Variants in ARID5A observed in about 807,000 individuals in gnomAD.
ARID5A encodes AT-rich interaction domain 5A, also known as AT-rich interactive domain-containing protein 5A.
In ARID5A, 14 loss-of-function variants were observed where a neutral mutation model predicts 30.5. The ratio of observed to expected loss-of-function variants is 0.46; its 90% CI spans 0.30 to 0.72. The LOEUF (loss-of-function observed/expected upper bound fraction) is 0.72, where lower values mean the gene tolerates loss of function less well. Ranked by LOEUF, ARID5A falls within the 30% of genes least tolerant of loss-of-function variation. ARID5A has a pLI of 0.07. For missense variants in ARID5A, 669 were observed against 786.2 expected, an observed-to-expected ratio of 0.85 and a Z score of 1.78; for synonymous variants, 338 against 340.4, an observed-to-expected ratio of 0.99 and a Z score of 0.08.
In ARID5A at chr2:96,550,851, G is replaced by C. The variant is rs1041069339; in HGVS notation, c.570+118G>C. On this transcript the variant is annotated intron_variant, in intron 6 of 6. Coordinates refer to ENST00000357485, the MANE Select transcript of ARID5A (RefSeq NM_212481.3). This position sits in a 1 kb window ranked among gnomAD's most constrained non-coding sequence, Gnocchi z 6.6. ...AATACACAGAACCTGCACCCAGGGC[G>C]GGACTTGCAAGGTTCCAGGTTCTCC... 6.3e-5 allele frequency: 88 copies of C among 1,397,046 alleles called. No homozygotes were observed. Among genetic ancestry groups the C allele is most frequent in the Non-Finnish European group, 8.1e-5 (86 of 1,056,126 alleles). 86.5% of individuals were successfully genotyped at this position (1,397,046 alleles called of 1,614,324 possible).
At position 96,549,915 on chromosome 2, in the gene ARID5A, C is replaced by G; in HGVS notation, c.312+110C>G. 2 of 1,533,742 alleles carry G rather than the reference C, an allele frequency of 1.3e-6. No homozygotes were observed. The highest frequency in any genetic ancestry group is 1.8e-6 in the Non-Finnish European group (2 of 1,138,256). ...AGAGCCAGGATCCCCAGTCCTACCC[C>G]TGCGTCCCTGCCTCCCTGCCTTCCC... On this transcript the variant is annotated intron_variant, in intron 4 of 6. Transcript: ENST00000357485. This position sits in a 1 kb window ranked among gnomAD's most constrained non-coding sequence, Gnocchi z 6.1.
At chr2:96,540,147 A>G (rs1036817896) in intron 1 of ARID5A, among the ~76,000 whole-genome samples, 1 of 152,232 alleles carries the variant, frequency 6.6e-6, no homozygotes, top group Non-Finnish European at 1.5e-5. Context: ...CAGCCAGGGC[A>G]CTGATTTGAG....
rs531788532 is a variant in ARID5A, at chr2:96,552,536, G to A, written c.*223G>A. ...GCAGAGGACCCAGTTGTTATAAGGC[G>A]CTGGGAGAGGATGGGCAGCTCCCAC... On this transcript the variant is annotated 3_prime_UTR_variant, in exon 7 of 7. Transcript: ENST00000357485. The A allele has an allele frequency of 5.8e-5, 88 of 1,530,366 alleles. No homozygotes were observed. In the South Asian group the frequency reaches 7.0e-4, roughly 12 times the overall value. The allele number at this position is 1,530,366 out of a possible 1,614,324, so 94.8% of individuals were successfully genotyped here. A position where few individuals can be genotyped will look rare whatever the true frequency, so the allele number is the denominator to read the frequency against.
chr2:96,548,278 T>A lies in ARID5A; in HGVS notation c.120+761T>A, dbSNP rs142253612. The stretch of plus-strand genomic sequence containing the variant: ...AAATAAACTTGAATCAATTATTATT[T>A]TTTTTTTTAGACAGAGTCTCACTGT... On this transcript the variant is annotated intron_variant, in intron 2 of 6. Transcript: ENST00000357485. Among the ~76,000 whole-genome samples the A allele has an allele frequency of 4.9e-4, 74 of 152,132 alleles. 2 individuals carry two copies. The highest frequency in any genetic ancestry group is 1.5e-3 in the African/African-American group (61 of 41,542).
chr2:96,551,807 G>A lies in ARID5A; in HGVS notation c.1279G>A (p.Glu427Lys), dbSNP rs1346343260. The A allele has an allele frequency of 8.2e-6, 13 of 1,587,262 alleles. No individual in the cohort carries two copies. Among genetic ancestry groups the A allele is most frequent in the Middle Eastern group, 1.7e-4 (1 of 5,944 alleles). The change falls in exon 7 of 7, where the codon GAG becomes AAG. Residue 427 changes from glutamate (E) to lysine (K), a missense_variant. This residue lies in a region of ARID5A where 548 missense variants were observed against 577.4 expected (regional missense o/e 0.95). Coordinates refer to ENST00000357485, the MANE Select transcript of ARID5A (RefSeq NM_212481.3). ...GTCCCCCATGGCCAAGGTCCCAGCCGAGAGCCCCACGCTCCCGCCCACCTT... is the reference window on the plus strand; with the variant it reads ...GTCCCCCATGGCCAAGGTCCCAGCCAAGAGCCCCACGCTCCCGCCCACCTT... ...WVSPMAKVPA[E>K]SPTLPPTFPS...
intron 1 of ARID5A, among the ~76,000 whole-genome samples, chr2:96,541,126 C>T (rs2065838157): frequency 6.6e-6 from 1 of 151,930 alleles, no homozygotes; most frequent in Non-Finnish European, 1.5e-5. Context: ...CAACCTCCAC[C>T]TCCTGGGTTC....
In ARID5A at chr2:96,550,463, G is replaced by T. The variant is rs958334522; in HGVS notation, c.411-111G>T. The T allele has an allele frequency of 6.2e-6, 9 of 1,460,758 alleles. No homozygotes were observed. The East Asian group carries it at 2.0e-4, about 32-fold the overall frequency. The allele number at this position is 1,460,758 out of a possible 1,614,324, so 90.5% of individuals were successfully genotyped here. ...TGAGGGAGCTGAAGCTTTGGGACCA[G>T]GAGAGGGCCTTCCTCGGCGCCGGCG... On this transcript the variant is annotated intron_variant, in intron 5 of 6. Coordinates refer to ENST00000357485, the MANE Select transcript of ARID5A (RefSeq NM_212481.3). This position sits in a 1 kb window ranked among gnomAD's most constrained non-coding sequence, Gnocchi z 6.6.
chr2:96,548,279 T>A (rs1485067977), intron 2 of ARID5A, among the ~76,000 whole-genome samples: 14 of 152,200 alleles, frequency 9.2e-5, no homozygotes, highest in Admixed American at 8.5e-4. Context: ...ATTATTATTT[T>A]TTTTTTTAGA....
chr2:96,552,389 T>C lies in ARID5A; in HGVS notation c.*76T>C. 1 of 1,596,416 alleles carries C rather than the reference T, an allele frequency of 6.3e-7. No homozygotes were observed. Among genetic ancestry groups the C allele is most frequent in the East Asian group, 2.3e-5 (1 of 43,202 alleles). Reference sequence around the variant, plus strand: ...GGCAGGTACTGCTGCCAGGGGGCTCTGAACTAGTGCCTGCTACCCAGGACA... The same window carrying C: ...GGCAGGTACTGCTGCCAGGGGGCTCCGAACTAGTGCCTGCTACCCAGGACA... On this transcript the variant is annotated 3_prime_UTR_variant, in exon 7 of 7. Transcript: ENST00000357485.
chr2:96,547,367 C>T, intron 1 of ARID5A, 35 bp from the exon 2 acceptor site: 2 of 1,577,320 alleles, frequency 1.3e-6, no homozygotes, highest in South Asian at 1.1e-5. Context: ...CTCTCCCCAC[C>T]CCTTCCTCCT....
chr2:96,538,147 TACAGTTGAGAGACGTCA>T (rs2065775758), intron 1 of ARID5A: 1 of 985,354 alleles, frequency 1.0e-6, no homozygotes, highest in Admixed American at 6.1e-5. Flanking sequence ...AATCTGCTTC[TACAGTTGAGAGACGTCA>T]ACTGGCACCT....
chr2:96,543,463 G>A (rs1280772369), intron 1 of ARID5A, among the ~76,000 whole-genome samples: 1 of 152,064 alleles, frequency 6.6e-6, no homozygotes, highest in Non-Finnish European at 1.5e-5. Context: ...TTGTGTCTCG[G>A]TGTCACATTT....
In ARID5A at chr2:96,536,753, T is replaced by G. The variant is rs55768571; in HGVS notation, c.-74T>G. 5 of 1,149,614 alleles carry G rather than the reference T, an allele frequency of 4.3e-6. No individual in the cohort carries two copies. The highest frequency in any genetic ancestry group is 4.7e-5 in the Admixed American group (1 of 21,224). The allele number at this position is 1,149,614 out of a possible 1,614,324, so 71.2% of individuals were successfully genotyped here. On this transcript the variant is annotated 5_prime_UTR_variant, in exon 1 of 7. Coordinates refer to ENST00000357485, the MANE Select transcript of ARID5A (RefSeq NM_212481.3). ...CGGCGGGCCGCGCCGCGAGCCAGTA[T>G]CTCAGAGAGCGCGGGGTCCGGACAG...
chr2:96,542,016 GCC>G (rs2065854564), intron 1 of ARID5A, among the ~76,000 whole-genome samples: 3 of 152,220 alleles, frequency 2.0e-5, no homozygotes, highest in Non-Finnish European at 2.9e-5. Context: ...TGCAGGTCCT[GCC>G]TGCCTGGCTC....
At position 96,552,314 on chromosome 2, in the gene ARID5A, G is replaced by C; in HGVS notation, c.*1G>C. On this transcript the variant is annotated 3_prime_UTR_variant, in exon 7 of 7. Transcript: ENST00000357485. ...CTTCCACCTCAACACCAAGCTGTAG[G>C]CCAGCCCATGGTGTTGTGTACACTG... 6.2e-7 allele frequency: 1 copy of C among 1,613,330 alleles called. No individual in the cohort carries two copies. The highest frequency in any genetic ancestry group is 1.1e-5 in the South Asian group (1 of 91,084).
intron 1 of ARID5A, among the ~76,000 whole-genome samples, chr2:96,544,612 T>C (rs1309124401): frequency 1.3e-5 from 2 of 152,200 alleles, no homozygotes; most frequent in Non-Finnish European, 2.9e-5. Flanking sequence ...AAAAAAGGAT[T>C]CCTTTCAAAA....
Position 96,551,405 on chromosome 2 carries a change from C to A in ARID5A, c.877C>A (p.His293Asn), listed in dbSNP as rs1403239072. ...AGAGCCCCAGGCGTCCCCAGCTGTT[C>A]ACCTCCCAGAGAGTCCCCAGAGCCC... is the stretch of plus-strand genomic sequence containing the variant. Reference protein sequence around the residue: ...GAEPQASPAVHLPESPQSPKG... With the variant: ...GAEPQASPAVNLPESPQSPKG... Residue 293 changes from histidine to asparagine, a missense_variant, in exon 7 of 7, where the codon CAC (histidine) becomes AAC (asparagine). Transcript: ENST00000357485. 1 of 1,606,840 alleles carries A rather than the reference C, an allele frequency of 6.2e-7. No individual in the cohort carries two copies. Among genetic ancestry groups the A allele is most frequent in the Admixed American group, 1.7e-5 (1 of 58,750 alleles).
At position 96,551,227 on chromosome 2, in the gene ARID5A, C is replaced by T; in HGVS notation, c.699C>T (p.Ser233=). The change falls in exon 7 of 7, where the codon AGC becomes AGT. Residue 233 remains serine (S), a synonymous_variant. Transcript: ENST00000357485. ...CTTCTGTGTCCTTTGTGGGTGCCAG[C>T]GGCTGTCCTGAGGCCTACAAGCGGC... The part of the protein sequence containing the change: ...SGSSVSFVGA[S]GCPEAYKRLL... 1.9e-6 allele frequency: 3 copies of T among 1,613,960 alleles called. No individual in the cohort carries two copies. The highest frequency in any genetic ancestry group is 1.7e-6 in the Non-Finnish European group (2 of 1,180,008).
At position 96,552,102 on chromosome 2, in the gene ARID5A, C is replaced by G. The variant is rs752380096; in HGVS notation, c.1574C>G (p.Pro525Arg). ...PGPLKGQAAL[P>R]FSPLVIPAFP... ...CCCTTGAAGGGCCAGGCTGCACTCC[C>G]CTTCAGCCCCCTGGTCATCCCGGCC... Residue 525 changes from proline to arginine, a missense_variant, in exon 7 of 7, where the codon CCC becomes CGC. Transcript: ENST00000357485. 1.9e-6 allele frequency: 3 copies of G among 1,604,924 alleles called. No homozygotes were observed. The highest frequency in any genetic ancestry group is 2.6e-6 in the Non-Finnish European group (3 of 1,175,708).
Sources: gnomAD v4.1 joint callset for allele counts (sites outside exome capture counted in the v4.1 genomes callset) on GRCh38, gnomAD v4.1.1 for gene constraint, gnomAD v4.1.1 regional missense constraint, Gnocchi (gnomAD v3.1) non-coding constraint, MANE v1.5 for transcripts, NCBI Gene and HGNC (gene_info 2026-07-23, HGNC 2026-07-21) for gene names.